Variants in AUTS2 observed in about 807,000 individuals in gnomAD.
AUTS2 encodes activator of transcription and developmental regulator AUTS2.
AUTS2 carries 17 observed loss-of-function variants against 112.4 expected under a neutral mutation model. That is an observed-to-expected ratio of 0.15 (90% CI 0.10 to 0.23). The LOEUF (loss-of-function observed/expected upper bound fraction) is 0.23, where lower values mean the gene tolerates loss of function less well. Ranked by LOEUF, AUTS2 falls within the 10% of genes least tolerant of loss-of-function variation. AUTS2 has a pLI of 1.00. For missense variants in AUTS2, 1,510 were observed against 1,701.6 expected, an observed-to-expected ratio of 0.89 and a Z score of 1.98; for synonymous variants, 751 against 702.7, an observed-to-expected ratio of 1.07 and a Z score of -1.09.
At chr7:70,693,549 G>A (rs992581341) in intron 5 of AUTS2, among the ~76,000 whole-genome samples, 2 of 152,222 alleles carry the variant, frequency 1.3e-5, no homozygotes, top group Non-Finnish European at 2.9e-5. Context: ...AAGGAGGTTA[G>A]GTGAAGACCT....
chr7:70,083,099 C>T (rs1187769495), intron 2 of AUTS2, among the ~76,000 whole-genome samples: 5 of 152,034 alleles, frequency 3.3e-5, no homozygotes, highest in Admixed American at 6.6e-5. Context: ...ATGATTCCTC[C>T]CCTCATGATT....
At chr7:70,001,600 G>A (rs1198046384) in intron 2 of AUTS2, among the ~76,000 whole-genome samples, 1 of 152,014 alleles carries the variant, frequency 6.6e-6, no homozygotes, top group Non-Finnish European at 1.5e-5. Context: ...AGGTTTCACA[G>A]ATGAGATAGA....
At chr7:69,702,796 T>C (rs968275812) in intron 1 of AUTS2, among the ~76,000 whole-genome samples, 1 of 152,200 alleles carries the variant, frequency 6.6e-6, no homozygotes, top group East Asian at 1.9e-4. Context: ...GGTCTGCATG[T>C]TCAATGTTTG....
intron 1 of AUTS2, among the ~76,000 whole-genome samples, chr7:69,876,791 G>T (rs981039509): frequency 5.9e-5 from 9 of 151,858 alleles, no homozygotes; most frequent in African/African-American, 2.2e-4. Context: ...CAGGACTGTG[G>T]CAACTTTGAA....
At chr7:70,399,660 AG>A (rs1456163189) in intron 4 of AUTS2, among the ~76,000 whole-genome samples, 3 of 152,226 alleles carry the variant, frequency 2.0e-5, no homozygotes, top group Non-Finnish European at 4.4e-5. Context: ...GTTTGAGAGA[AG>A]CAACAATTAT....
intron 5 of AUTS2, among the ~76,000 whole-genome samples, chr7:70,655,071 C>T (rs1180545638): frequency 6.6e-6 from 1 of 152,236 alleles, no homozygotes; most frequent in African/African-American, 2.4e-5. Flanking sequence ...TCAGAAATGT[C>T]TCAGTGACAG....
At chr7:70,497,335 G>A (rs1376137736) in intron 5 of AUTS2, among the ~76,000 whole-genome samples, 4 of 151,400 alleles carry the variant, frequency 2.6e-5, no homozygotes, top group African/African-American at 9.7e-5. Context: ...CACACATCAC[G>A]TACACAGTCG....
chr7:70,399,127 C>T (rs773666013), intron 4 of AUTS2, among the ~76,000 whole-genome samples: 3 of 151,912 alleles, frequency 2.0e-5, no homozygotes, highest in Non-Finnish European at 2.9e-5. Flanking sequence ...GTTGGGACCA[C>T]AGGCATGCAC....
intron 1 of AUTS2, among the ~76,000 whole-genome samples, chr7:69,762,377 G>A (rs1788229321): frequency 7.7e-6 from 1 of 129,034 alleles, no homozygotes; most frequent in Admixed American, 9.8e-5. Flanking sequence ...CACTATCTCG[G>A]TTCACTGCAG....
chr7:69,882,051 G>A (rs1209972253), intron 1 of AUTS2, among the ~76,000 whole-genome samples: 1 of 150,684 alleles, frequency 6.6e-6, no homozygotes, highest in Non-Finnish European at 1.5e-5. Flanking sequence ...TCAGGAGGCT[G>A]AGGCAGGAGA....
Position 70,131,790 on chromosome 7 carries a change from T to A in AUTS2, c.625-2746T>A, listed in dbSNP as rs374051224. On this transcript the variant is annotated intron_variant, in intron 3 of 18. Coordinates refer to ENST00000342771, the MANE Select transcript of AUTS2 (RefSeq NM_015570.4). ...CGAGACCTCAGGGATATATGATACG[T>A]GTTGTGAGCCTCAGCTAAAGTCTGA... Among the ~76,000 whole-genome samples the A allele has an allele frequency of 2.0e-5, 3 of 151,904 alleles. No individual in the cohort carries two copies. In the East Asian group the frequency reaches 5.8e-4, roughly 29 times the overall value.
chr7:70,126,931 A>G (rs570694638), intron 3 of AUTS2, among the ~76,000 whole-genome samples: 2 of 151,446 alleles, frequency 1.3e-5, no homozygotes, highest in Admixed American at 6.6e-5. Context: ...GGTTCAAGCA[A>G]TTCTCCTGCC....
At chr7:70,119,739 G>A (rs1409966620) in intron 3 of AUTS2, 2 of 151,996 alleles carry the variant, frequency 1.3e-5, no homozygotes, top group Admixed American at 1.3e-4. Flanking sequence ...ATAAGTGAGA[G>A]AGTAGCACCA....
At chr7:69,878,845 A>G (rs186717567) in intron 1 of AUTS2, among the ~76,000 whole-genome samples, 28 of 152,228 alleles carry the variant, frequency 1.8e-4, no homozygotes, top group Non-Finnish European at 2.2e-4. Flanking sequence ...TTGTGTTTCT[A>G]TACTCAACCA....
chr7:69,907,591 A>G (rs568165121), intron 2 of AUTS2, among the ~76,000 whole-genome samples: 11 of 152,352 alleles, frequency 7.2e-5, no homozygotes, highest in South Asian at 2.1e-4. Flanking sequence ...TGTTTAGGCA[A>G]TAATTACAAG....
intron 4 of AUTS2, among the ~76,000 whole-genome samples, chr7:70,425,227 G>A (rs1426068295): frequency 6.6e-6 from 1 of 152,216 alleles, no homozygotes; most frequent in South Asian, 2.1e-4. Flanking sequence ...GGAATTCCAA[G>A]CACTTTAAGA....
intron 1 of AUTS2, among the ~76,000 whole-genome samples, chr7:69,828,744 CA>C (rs1791367415): frequency 6.6e-6 from 1 of 151,862 alleles, no homozygotes; most frequent in African/African-American, 2.4e-5. Context: ...ACTTTGCTTC[CA>C]TATCACTTCT....
In AUTS2 at chr7:69,870,448, A is replaced by AATATATATATATGTATATATATATATAT. The variant is rs56728110; in HGVS notation, c.310-28826_310-28825insGTATATATATATATATATATATATATAT. 3.8e-5 allele frequency among the ~76,000 whole-genome samples: 3 copies of AATATATATATATGTATATATATATATAT among 78,970 alleles called. No individual in the cohort carries two copies. The East Asian group carries it at 1.2e-3, about 32-fold the overall frequency. 51.8% of individuals were successfully genotyped at this position (78,970 alleles called of 152,430 possible). On this transcript the variant is annotated intron_variant, in intron 1 of 18. Transcript: ENST00000342771. Reference sequence around the variant, plus strand: ...TACATATCTGTGCGTATGTGTGTGTAATATATATATATATATATGTATTCA... The same window carrying AATATATATATATGTATATATATATATAT: ...TACATATCTGTGCGTATGTGTGTGTAATATATATATATGTATATATATATATATATATATATATATATATATGTATTCA...
intron 4 of AUTS2, among the ~76,000 whole-genome samples, chr7:70,205,762 C>G (rs556439059): frequency 2.2e-4 from 33 of 152,130 alleles, no homozygotes; most frequent in Middle Eastern, 6.8e-3. Context: ...TGTAATTGAC[C>G]TAAGGTCACA....
Sources: allele counts gnomAD v4.1 joint callset (sites outside exome capture counted in the v4.1 genomes callset), GRCh38; gene constraint gnomAD v4.1.1; transcripts MANE v1.5; gene names NCBI Gene and HGNC (gene_info 2026-07-23, HGNC 2026-07-21).